Variants in MED16 observed in about 807,000 individuals in gnomAD.
The protein encoded by MED16 is mediator of RNA polymerase II transcription subunit 16.
In MED16, 81 loss-of-function variants were observed where a neutral mutation model predicts 84.4. The ratio of observed to expected loss-of-function variants is 0.96; its 90% CI spans 0.80 to 1.15. The LOEUF is 1.15. Among genes scored for constraint, MED16 ranks in the 50% most tolerant of loss-of-function variants. MED16 has a pLI of 0.00. For missense variants in MED16, 1,585 were observed against 1,245.9 expected (o/e 1.27, Z -4.10); for synonymous variants, 897 against 552.2 (o/e 1.62, Z -8.76).
chr19:883,069 G>A (rs1301221140), intron 6 of MED16, among the ~76,000 whole-genome samples: 1 of 152,310 alleles, frequency 6.6e-6, no homozygotes, highest in Non-Finnish European at 1.5e-5. Context: ...CCCAGCTAGT[G>A]GCCAGGGTAC....
chr19:877,593 C>T (rs2036281804), intron 8 of MED16, among the ~76,000 whole-genome samples: 1 of 152,110 alleles, frequency 6.6e-6, no homozygotes. Context: ...TGGCGAGGGG[C>T]TTGCACCTGT....
At chr19:877,351 G>A (rs1199662812) in intron 8 of MED16, among the ~76,000 whole-genome samples, 171 bp from the exon 9 acceptor site, 1 of 152,144 alleles carries the variant, frequency 6.6e-6, no homozygotes, top group Non-Finnish European at 1.5e-5. Flanking sequence ...TTCTGTCAGG[G>A]TCATGCACAA....
chr19:873,400 G>C (rs1455733695), intron 11 of MED16, 49 bp downstream of exon 11: 1 of 1,577,660 alleles, frequency 6.3e-7, no homozygotes, highest in Non-Finnish European at 8.6e-7. Flanking sequence ...GTCCTGATGA[G>C]ATGGGGGCCC....
chr19:868,204 G>C lies in MED16; in HGVS notation c.2531C>G (p.Ser844Cys), dbSNP rs776488697. 1 of 1,605,770 alleles carries C rather than the reference G, an allele frequency of 6.2e-7. No individual in the cohort carries two copies. Among genetic ancestry groups the C allele is most frequent in the Non-Finnish European group, 8.5e-7 (1 of 1,176,920 alleles). The change falls in exon 16 of 16, where the codon TCT becomes TGT. Residue 844 changes from serine to cysteine, a missense_variant. By Grantham distance (112) the Ser-to-Cys change is moderately radical. Transcript: ENST00000325464. Reference sequence around the variant, plus strand: ...CTGGACAAAGGCAGGGGCTTCCTCAGAAGCTCTGCTGGTCACGCAGGCGTC... The same window carrying C: ...CTGGACAAAGGCAGGGGCTTCCTCACAAGCTCTGCTGGTCACGCAGGCGTC... ...GPDACVTSRA[S>C]EEAPAFVQLG...
chr19:873,671 A>G, intron 10 of MED16, 89 bp from the exon 11 acceptor site: 1 of 1,462,890 alleles, frequency 6.8e-7, no homozygotes, highest in Non-Finnish European at 9.4e-7. Context: ...ACCTGCACTG[A>G]GTGCCCACCC....
chr19:892,288 C>A (rs1279173811), intron 1 of MED16: 1 of 159,378 alleles, frequency 6.3e-6, no homozygotes, highest in Non-Finnish European at 1.4e-5. Flanking sequence ...CTTTCAGCCC[C>A]ACCCCTGACC....
chr19:887,434 G>A (rs62132323), intron 4 of MED16, among the ~76,000 whole-genome samples: 24,355 of 151,842 alleles, frequency 0.16, 2,609 homozygotes, highest in Non-Finnish European at 0.24. Flanking sequence ...TTGGGAGGCC[G>A]AGGCGGGCAG....
In MED16 at chr19:884,263, G is replaced by C. The variant is rs1489582582; in HGVS notation, c.985+640C>G. 1.3e-5 allele frequency among the ~76,000 whole-genome samples: 2 copies of C among 152,318 alleles called. 1 individual carries two copies. The highest frequency in any genetic ancestry group is 2.9e-5 in the Non-Finnish European group (2 of 68,026). On this transcript the variant is annotated intron_variant, in intron 6 of 15. Coordinates refer to ENST00000325464, the MANE Select transcript of MED16 (RefSeq NM_005481.3). ...GCTCTGAAAACCAAGCGGCTGTTCT[G>C]GTCCCCGGTCATAGCAGGCGGGCGT...
chr19:873,547 C>G lies in MED16; in HGVS notation c.1807G>C (p.Glu603Gln), dbSNP rs766729790. Reference sequence around the variant, plus strand: ...AGTGTGTTCATGTCCAGCACAAATTCCTCCGTCTTGAGGTTGATCATGACC... The same window carrying G: ...AGTGTGTTCATGTCCAGCACAAATTGCTCCGTCTTGAGGTTGATCATGACC... Reference protein sequence around the residue: ...DKVMINLKTEEFVLDMNTLQA... With the variant: ...DKVMINLKTEQFVLDMNTLQA... The change falls in exon 11 of 16, where the codon GAA (glutamate) becomes CAA (glutamine). Residue 603 changes from glutamate (E) to glutamine (Q), a missense_variant. Transcript: ENST00000325464. 6.2e-7 allele frequency: 1 copy of G among 1,612,408 alleles called. No individual in the cohort carries two copies. The highest frequency in any genetic ancestry group is 2.2e-5 in the East Asian group (1 of 44,878).
intron 12 of MED16, chr19:871,674 G>A (rs375872831): frequency 1.5e-5 from 23 of 1,574,546 alleles, no homozygotes; most frequent in South Asian, 3.3e-5. Flanking sequence ...TGGGGAAATA[G>A]CAGATATCAA....
chr19:875,980 A>T (rs1349049382), intron 9 of MED16, among the ~76,000 whole-genome samples: 3 of 152,026 alleles, frequency 2.0e-5, no homozygotes, highest in African/African-American at 7.2e-5. Flanking sequence ...CAAAAATGAA[A>T]CGCTTGGCAC....
chr19:886,618 G>T (rs1012869522), intron 4 of MED16, among the ~76,000 whole-genome samples: 4 of 152,222 alleles, frequency 2.6e-5, no homozygotes, highest in Non-Finnish European at 5.9e-5. Context: ...GGCGGGGGCC[G>T]TCAGGCCCTG....
At chr19:871,498 A>T (rs1298436039) in intron 12 of MED16, 6 of 1,500,350 alleles carry the variant, frequency 4.0e-6, no homozygotes. Flanking sequence ...TCACTTAAAA[A>T]GTATGTGGGA....
In MED16 at chr19:880,857, G is replaced by A. The variant is rs534482972; in HGVS notation, c.1141+702C>T. On this transcript the variant is annotated intron_variant, in intron 7 of 15. Transcript: ENST00000325464. The stretch of plus-strand genomic sequence containing the variant: ...GGAGAATCGCTTGAACCCAGGAGGC[G>A]GAGGTTGCAGTGAGCCGAGATCACA... 3.1e-4 allele frequency among the ~76,000 whole-genome samples: 46 copies of A among 150,466 alleles called. No individual in the cohort carries two copies. In the South Asian group the frequency reaches 8.7e-3, roughly 28 times the overall value.
At chr19:881,758 G>A in intron 6 of MED16, 44 bp from the exon 7 acceptor site, 2 of 1,583,992 alleles carry the variant, frequency 1.3e-6, no homozygotes, top group African/African-American at 1.3e-5. Context: ...ATGGAGTAAA[G>A]ACAGGCTGAG....
At chr19:877,570 C>T (rs1373046599) in intron 8 of MED16, among the ~76,000 whole-genome samples, 3 of 89,166 alleles carry the variant, frequency 3.4e-5, no homozygotes, top group Non-Finnish European at 5.2e-5. Context: ...GACAAGGCAG[C>T]GCAGGCAGGG....
rs1420198747 is a variant in MED16 at position 881,722 on chromosome 19, A to G, written c.986-8T>C. The G allele has an allele frequency of 3.1e-6, 5 of 1,608,116 alleles. No individual in the cohort carries two copies. The highest frequency in any genetic ancestry group is 4.3e-6 in the Non-Finnish European group (5 of 1,176,442). On this transcript the variant is annotated splice_region_variant and splice_polypyrimidine_tract_variant and intron_variant, in intron 6 of 15. Transcript: ENST00000325464. ...TGGGCTGTTTGTCGCCAACTGAAAAATCAGGGGCAGGAAAACAGGAAGGCA... is the reference window on the plus strand; with the variant it reads ...TGGGCTGTTTGTCGCCAACTGAAAAGTCAGGGGCAGGAAAACAGGAAGGCA...
chr19:883,694 C>A (rs1379706134), intron 6 of MED16, among the ~76,000 whole-genome samples: 1 of 152,118 alleles, frequency 6.6e-6, no homozygotes, highest in Admixed American at 6.5e-5. Context: ...AGTGGCTTGG[C>A]TGTGGGCAGA....
intron 4 of MED16, among the ~76,000 whole-genome samples, chr19:887,054 G>A (rs187922943): frequency 7.2e-5 from 11 of 151,916 alleles, no homozygotes; most frequent in Non-Finnish European, 1.5e-4. Context: ...ACTCTGGCCT[G>A]GGCAACGAGA....
Sources: gnomAD v4.1 joint callset for allele counts (sites outside exome capture counted in the v4.1 genomes callset) on GRCh38, gnomAD v4.1.1 for gene constraint, MANE v1.5 for transcripts, NCBI Gene and HGNC (gene_info 2026-07-23, HGNC 2026-07-21) for gene names.